Variants in SIPA1L3 observed in about 807,000 individuals in gnomAD.
SIPA1L3 encodes signal-induced proliferation-associated 1-like protein 3.
A neutral mutation model predicts 150.1 loss-of-function variants in SIPA1L3; 59 were observed. That is an observed-to-expected ratio of 0.39 (90% CI 0.32 to 0.49). The LOEUF is 0.49. Ranked by LOEUF, SIPA1L3 falls within the 20% of genes least tolerant of loss-of-function variation. The pLI is 0.86. For missense variants in SIPA1L3, 2,211 were observed against 2,489.5 expected (o/e 0.89, Z 2.38); for synonymous variants, 1,070 against 1,077.6 (o/e 0.99, Z 0.14).
intron 10 of SIPA1L3, among the ~76,000 whole-genome samples, chr19:38,133,804 G>A (rs531588133): frequency 7.9e-5 from 12 of 152,222 alleles, no homozygotes; most frequent in Non-Finnish European, 1.3e-4. Context: ...CCACAAGAGC[G>A]TTTGTGAAGT....
intron 6 of SIPA1L3, among the ~76,000 whole-genome samples, chr19:38,104,178 G>T (rs969547355): frequency 3.3e-5 from 5 of 152,172 alleles, no homozygotes; most frequent in Admixed American, 2.6e-4. Context: ...CCCAGATCAG[G>T]AGACAAATCT....
intron 4 of SIPA1L3, among the ~76,000 whole-genome samples, chr19:38,091,928 G>A (rs1018834357): frequency 2.0e-5 from 3 of 151,862 alleles, no homozygotes; most frequent in Non-Finnish European, 2.9e-5. Flanking sequence ...GCTAGGCATG[G>A]TAGCAGGTGA....
intron 15 of SIPA1L3, among the ~76,000 whole-genome samples, chr19:38,168,646 G>A (rs2145993624): frequency 6.6e-6 from 1 of 152,180 alleles, no homozygotes; most frequent in African/African-American, 2.4e-5. Flanking sequence ...TTTGAAATCC[G>A]AGACATAAAG....
In SIPA1L3 at chr19:38,000,911, A is replaced by T. The variant is rs199858077; in HGVS notation, c.-378-28178A>T. Among the ~76,000 whole-genome samples the T allele has an allele frequency of 4.9e-3, 646 of 132,086 alleles. 4 individuals carry two copies. The highest frequency in any genetic ancestry group is 5.9e-3 in the Non-Finnish European group (386 of 64,930). 86.7% of individuals were successfully genotyped at this position (132,086 alleles called of 152,430 possible). A position where few individuals can be genotyped will look rare whatever the true frequency, so the allele number is the denominator to read the frequency against. Reference sequence around the variant, plus strand: ...TATATATGTTATATATATATATATAACATATATATAACATATATATAACAT... The same window carrying T: ...TATATATGTTATATATATATATATATCATATATATAACATATATATAACAT... On this transcript the variant is annotated intron_variant, in intron 1 of 21. Transcript: ENST00000222345.
intron 1 of SIPA1L3, among the ~76,000 whole-genome samples, chr19:38,003,898 C>T (rs959198614): frequency 6.6e-6 from 1 of 151,902 alleles, no homozygotes; most frequent in Non-Finnish European, 1.5e-5. Context: ...AGATCCATCC[C>T]CCACCCCCAC....
At chr19:37,957,006 C>T (rs963411519) in intron 1 of SIPA1L3, among the ~76,000 whole-genome samples, 3 of 151,986 alleles carry the variant, frequency 2.0e-5, no homozygotes, top group East Asian at 1.9e-4. Flanking sequence ...TATCTTTTTG[C>T]GTATTAATAT....
chr19:37,950,764 C>T (rs1009009483), intron 1 of SIPA1L3, among the ~76,000 whole-genome samples: 3 of 152,250 alleles, frequency 2.0e-5, no homozygotes, highest in African/African-American at 7.2e-5. Context: ...CCCAGTACCC[C>T]GGCATGCGGC....
chr19:38,032,411 C>T (rs538960000), intron 2 of SIPA1L3, among the ~76,000 whole-genome samples: 2 of 152,304 alleles, frequency 1.3e-5, no homozygotes, highest in African/African-American at 4.8e-5. Flanking sequence ...CATTTATTTT[C>T]CTTCACTCAG....
At chr19:37,950,649 T>C (rs1344925060) in intron 1 of SIPA1L3, among the ~76,000 whole-genome samples, 1 of 152,008 alleles carries the variant, frequency 6.6e-6, no homozygotes, top group East Asian at 1.9e-4. Context: ...GCCTCTGTCA[T>C]GAAGGCTGCG....
chr19:38,002,360 A>G (rs1185746897), intron 1 of SIPA1L3, among the ~76,000 whole-genome samples: 1 of 152,156 alleles, frequency 6.6e-6, no homozygotes. Context: ...TTCATGTTGT[A>G]TATATCAGAA....
At chr19:37,956,389 G>T (rs976707069) in intron 1 of SIPA1L3, among the ~76,000 whole-genome samples, 2 of 151,048 alleles carry the variant, frequency 1.3e-5, no homozygotes, top group Non-Finnish European at 1.5e-5. Flanking sequence ...TTCTTGATAT[G>T]TTCTGGATAA....
At chr19:37,938,052 A>G (rs987131334) in intron 1 of SIPA1L3, among the ~76,000 whole-genome samples, 8 of 152,136 alleles carry the variant, frequency 5.3e-5, no homozygotes, top group African/African-American at 1.4e-4. Context: ...ACCTCAAAAA[A>G]AGAAAAAGAA....
Position 38,192,165 on chromosome 19 carries a change from A to G in SIPA1L3, c.4451A>G (p.Lys1484Arg). The change falls in exon 17 of 22, where the codon AAA becomes AGA. Residue 1484 changes from lysine (K) to arginine (R), a missense_variant. Coordinates refer to ENST00000222345, the MANE Select transcript of SIPA1L3 (RefSeq NM_015073.3). ...DPKKQVDTNT[K>R]NVFGQPRLRA... ...TCCAGGCAGGTGGACACGAACACCA[A>G]AAATGTCTTTGGGCAACCGAGGTTG... 6.2e-7 allele frequency: 1 copy of G among 1,609,286 alleles called. No homozygotes were observed. The highest frequency in any genetic ancestry group is 8.5e-7 in the Non-Finnish European group (1 of 1,178,124).
intron 1 of SIPA1L3, among the ~76,000 whole-genome samples, chr19:37,987,785 T>C (rs1487613712): frequency 6.6e-6 from 1 of 152,240 alleles, no homozygotes; most frequent in Non-Finnish European, 1.5e-5. Flanking sequence ...ATCTCCCGTC[T>C]GCTGCACTTT....
chr19:37,980,012 C>T (rs1967165223), intron 1 of SIPA1L3, among the ~76,000 whole-genome samples: 1 of 152,220 alleles, frequency 6.6e-6, no homozygotes, highest in Non-Finnish European at 1.5e-5. Flanking sequence ...AATCCACAGG[C>T]CGGTGGGTGG....
intron 1 of SIPA1L3, among the ~76,000 whole-genome samples, chr19:38,020,799 GTTTTTTTTGTT>G (rs917898427): frequency 9.3e-5 from 14 of 150,568 alleles, no homozygotes; most frequent in Admixed American, 3.3e-4. Flanking sequence ...TCATCTCTGA[GTTTTTTTTGTT>G]TTTTTTTTGT....
At chr19:38,169,863 G>A (rs546271020) in intron 15 of SIPA1L3, among the ~76,000 whole-genome samples, 17 of 152,196 alleles carry the variant, frequency 1.1e-4, no homozygotes, top group Non-Finnish European at 2.4e-4. Context: ...CAGGGTGGGG[G>A]GCCCAGGCTA....
At position 38,119,580 on chromosome 19, in the gene SIPA1L3, A is replaced by G; in HGVS notation, c.2566A>G (p.Lys856Glu). 1.2e-6 allele frequency: 2 copies of G among 1,614,242 alleles called. No homozygotes were observed. Among genetic ancestry groups the G allele is most frequent in the Non-Finnish European group, 1.7e-6 (2 of 1,180,040 alleles). The change falls in exon 9 of 22, where the codon AAG (lysine) becomes GAG (glutamate). Residue 856 changes from lysine to glutamate, a missense_variant. Around this residue, in one of 5 missense-constraint regions of SIPA1L3, gnomAD observed 625 missense variants for 804.2 expected, o/e 0.78. Coordinates refer to ENST00000222345, the MANE Select transcript of SIPA1L3 (RefSeq NM_015073.3). ...LISLTSKKKE[K>E]TKARAGAEQH... ...CTCCCTGACCTCCAAGAAGAAGGAA[A>G]AGACAAAAGCACGGGCTGGCGCTGA...
chr19:37,999,411 G>A (rs1339301056), intron 1 of SIPA1L3, among the ~76,000 whole-genome samples: 1 of 152,168 alleles, frequency 6.6e-6, no homozygotes, highest in Non-Finnish European at 1.5e-5. Context: ...CTCCAGCCCC[G>A]CTCCTGGACG....
Sources: allele counts gnomAD v4.1 joint callset (sites outside exome capture counted in the v4.1 genomes callset), GRCh38; gene constraint gnomAD v4.1.1; regional missense constraint gnomAD v4.1.1; transcripts MANE v1.5; gene names NCBI Gene and HGNC (gene_info 2026-07-23, HGNC 2026-07-21).